Variants in DGKB observed in about 807,000 individuals in gnomAD.
The protein encoded by DGKB is diacylglycerol kinase beta.
A neutral mutation model predicts 114.3 loss-of-function variants in DGKB; 67 were observed. The ratio of observed to expected loss-of-function variants is 0.59; its 90% CI spans 0.48 to 0.72. The LOEUF (loss-of-function observed/expected upper bound fraction) is 0.72, where lower values mean the gene tolerates loss of function less well. DGKB is among the 30% of genes least tolerant of loss of function. The pLI, the probability that DGKB is intolerant of heterozygous loss-of-function variation, is 0.00. For missense variants in DGKB, 907 were observed against 975.2 expected, an observed-to-expected ratio of 0.93 and a Z score of 0.93; for synonymous variants, 398 against 323.1, an observed-to-expected ratio of 1.23 and a Z score of -2.49.
At chr7:14,459,752 C>T (rs1832798400) in intron 21 of DGKB, among the ~76,000 whole-genome samples, 1 of 152,102 alleles carries the variant, frequency 6.6e-6, no homozygotes, top group South Asian at 2.1e-4. Flanking sequence ...GAGAACACCA[C>T]AAAGATACTC....
chr7:14,465,858 T>C (rs1780387152), intron 21 of DGKB, among the ~76,000 whole-genome samples: 9 of 151,888 alleles, frequency 5.9e-5, no homozygotes, highest in African/African-American at 2.2e-4. Flanking sequence ...GGCCCATAGG[T>C]CACACTTGCT....
chr7:14,627,966 C>A (rs557479881), intron 14 of DGKB, among the ~76,000 whole-genome samples: 8 of 149,452 alleles, frequency 5.4e-5, no homozygotes, highest in South Asian at 4.3e-4. Flanking sequence ...AAAAAAACAA[C>A]AAAAAAAACC....
intron 1 of DGKB, among the ~76,000 whole-genome samples, chr7:14,895,210 G>A (rs984643586): frequency 1.3e-5 from 2 of 151,554 alleles, no homozygotes; most frequent in Non-Finnish European, 3.0e-5. Flanking sequence ...AAGCAATGTG[G>A]GAGTTATGTT....
intron 23 of DGKB, among the ~76,000 whole-genome samples, chr7:14,269,815 T>C (rs560088312): frequency 6.6e-6 from 1 of 152,146 alleles, no homozygotes; most frequent in East Asian, 1.9e-4. Flanking sequence ...AATATGATTT[T>C]AGTCCAAAAT....
chr7:14,236,667 C>G (rs1410114651), intron 23 of DGKB, among the ~76,000 whole-genome samples: 1 of 151,650 alleles, frequency 6.6e-6, no homozygotes, highest in African/African-American at 2.4e-5. Flanking sequence ...AAATTTTTTC[C>G]CCCTATGAAT....
rs534821178 is a variant in DGKB, at chr7:14,148,315, A to C, written c.*816T>G. On this transcript the variant is annotated 3_prime_UTR_variant, in exon 26 of 26. Transcript: ENST00000402815. ...CATTTCTCTCAAGCATTGTTTTCTG[A>C]ATCTTTGGTGGGAAACACATTGATT... The C allele has an allele frequency of 2.6e-5, 4 of 152,688 alleles. No individual in the cohort carries two copies. The highest frequency in any genetic ancestry group is 9.6e-5 in the African/African-American group (4 of 41,568). The allele number at this position is 152,688 out of a possible 1,614,324, so 9.5% of individuals were successfully genotyped here.
chr7:14,971,244 T>A (rs945743668), intron 1 of DGKB, among the ~76,000 whole-genome samples: 4 of 152,156 alleles, frequency 2.6e-5, no homozygotes, highest in African/African-American at 9.7e-5. Flanking sequence ...AGCTGGAGAA[T>A]TCTTGGGCTC....
chr7:14,614,942 G>A (rs1425252359), intron 15 of DGKB, among the ~76,000 whole-genome samples: 1 of 152,028 alleles, frequency 6.6e-6, no homozygotes, highest in Non-Finnish European at 1.5e-5. Context: ...TGTACATAAA[G>A]TGTCTATTAT....
intron 6 of DGKB, among the ~76,000 whole-genome samples, chr7:14,704,458 A>AAG (rs1383849129): frequency 0.018 from 2,705 of 149,822 alleles, 118 homozygotes; most frequent in African/African-American, 0.064. Context: ...AAAAAAAAAA[A>AAG]AAAAAAGAAA....
chr7:14,908,594 G>A (rs1238953741), intron 1 of DGKB, among the ~76,000 whole-genome samples: 4 of 152,162 alleles, frequency 2.6e-5, no homozygotes, highest in Admixed American at 6.5e-5. Context: ...AGAGAAGAAT[G>A]CCTTAAGATA....
chr7:14,508,301 G>A (rs1231439916), intron 20 of DGKB, among the ~76,000 whole-genome samples: 3 of 152,098 alleles, frequency 2.0e-5, no homozygotes, highest in African/African-American at 7.2e-5. Context: ...AATTTATTGT[G>A]TTTTATAAAC....
chr7:14,919,095 A>ACACACACACAC (rs1554345122), intron 1 of DGKB, among the ~76,000 whole-genome samples: 5 of 114,920 alleles, frequency 4.4e-5, no homozygotes, highest in African/African-American at 1.1e-4. Flanking sequence ...CACACACACA[A>ACACACACACAC]ACACACACAC....
rs112012388 is a variant in DGKB, at chr7:14,244,457, T to C, written c.2123-66306A>G. On this transcript the variant is annotated intron_variant, in intron 23 of 25. Coordinates refer to ENST00000402815, the MANE Select transcript of DGKB (RefSeq NM_001350709.2). ...GGATCACAAGGTCAGGAGATCAAGA[T>C]CATCCTGGCTAACACGGTGAAACCC... Among the ~76,000 whole-genome samples the C allele has an allele frequency of 6.8e-3, 1,023 of 151,238 alleles. 18 individuals are homozygous for C. Among genetic ancestry groups the C allele is most frequent in the Middle Eastern group, 0.01 (3 of 292 alleles).
At chr7:14,247,060 A>G (rs1440909332) in intron 23 of DGKB, among the ~76,000 whole-genome samples, 1 of 152,056 alleles carries the variant, frequency 6.6e-6, no homozygotes, top group East Asian at 1.9e-4. Flanking sequence ...GTTTTTTAAG[A>G]TTGCACATAT....
intron 13 of DGKB, among the ~76,000 whole-genome samples, chr7:14,640,949 A>C (rs1311846785): frequency 6.6e-6 from 1 of 152,152 alleles, no homozygotes; most frequent in African/African-American, 2.4e-5. Flanking sequence ...AAATGATATA[A>C]AGCATTTGTC....
chr7:14,889,753 C>G (rs1451261751), intron 1 of DGKB, among the ~76,000 whole-genome samples: 1 of 151,428 alleles, frequency 6.6e-6, no homozygotes, highest in Non-Finnish European at 1.5e-5. Flanking sequence ...ACATAAAATT[C>G]CACTCCAAAC....
chr7:14,692,257 C>A (rs900206231), intron 9 of DGKB, among the ~76,000 whole-genome samples: 2 of 152,124 alleles, frequency 1.3e-5, no homozygotes, highest in African/African-American at 4.8e-5. Context: ...ACTTTTCTAT[C>A]TCACCCTCGA....
intron 1 of DGKB, among the ~76,000 whole-genome samples, chr7:14,854,238 T>C (rs1294265819): frequency 6.6e-6 from 1 of 152,210 alleles, no homozygotes; most frequent in Admixed American, 6.5e-5. Context: ...TTAATCTGCC[T>C]AAAACTGTCA....
chr7:14,146,783 A>C lies in DGKB; in HGVS notation c.*2348T>G, dbSNP rs1367436351. 2.0e-5 allele frequency: 3 copies of C among 152,122 alleles called. No individual in the cohort carries two copies. The highest frequency in any genetic ancestry group is 4.4e-5 in the Non-Finnish European group (3 of 68,008). 9.4% of individuals were successfully genotyped at this position (152,122 alleles called of 1,614,324 possible). On this transcript the variant is annotated 3_prime_UTR_variant, in exon 26 of 26. Coordinates refer to ENST00000402815, the MANE Select transcript of DGKB (RefSeq NM_001350709.2). The stretch of plus-strand genomic sequence containing the variant: ...AAGAATCCATCTGACTGAAAATGTA[A>C]CCACTATTAGCACTAATTGTAGTTA...
Sources: gnomAD v4.1 joint callset for allele counts (sites outside exome capture counted in the v4.1 genomes callset) on GRCh38, gnomAD v4.1.1 for gene constraint, MANE v1.5 for transcripts, NCBI Gene and HGNC (gene_info 2026-07-23, HGNC 2026-07-21) for gene names.